CTNNA3: variants seen among roughly 807,000 people sequenced by gnomAD.
The protein encoded by CTNNA3 is catenin alpha-3.
Under a neutral mutation model 95.7 loss-of-function variants are expected in CTNNA3, and 76 were observed. The observed-to-expected ratio is 0.79, with a 90% CI of 0.66 to 0.96. The LOEUF is 0.96. Ranked by LOEUF, CTNNA3 falls within the 40% of genes least tolerant of loss-of-function variation. The probability of loss-of-function intolerance (pLI) is 0.00; values close to 1 mark genes in which losing one functional copy is unlikely to be tolerated. For synonymous variants in CTNNA3, 431 were observed against 374.4 expected (o/e 1.15, Z -1.74); for missense variants, 1,191 against 1,089.8 (o/e 1.09, Z -1.31).
At chr10:66,310,112 C>A (rs1404788388) in intron 12 of CTNNA3, among the ~76,000 whole-genome samples, 1 of 149,594 alleles carries the variant, frequency 6.7e-6, no homozygotes, top group African/African-American at 2.5e-5. Context: ...GGTGAGACTC[C>A]ATCTCAAAAA....
intron 1 of CTNNA3, among the ~76,000 whole-genome samples, chr10:67,692,467 T>A (rs1174522328): frequency 7.5e-6 from 1 of 133,874 alleles, no homozygotes; most frequent in South Asian, 2.8e-4. Flanking sequence ...CTGAAACATG[T>A]GCTGTATCCA....
At chr10:66,582,748 C>T (rs1843231422) in intron 10 of CTNNA3, among the ~76,000 whole-genome samples, 1 of 151,796 alleles carries the variant, frequency 6.6e-6, no homozygotes, top group Non-Finnish European at 1.5e-5. Context: ...AACTTTTTCT[C>T]ATTCAGTATG....
chr10:67,729,702 T>A (rs1841263946), intron 1 of CTNNA3, among the ~76,000 whole-genome samples: 1 of 152,120 alleles, frequency 6.6e-6, no homozygotes, highest in African/African-American at 2.4e-5. Flanking sequence ...GATAAAAGTT[T>A]ATGTTCTATG....
chr10:67,528,752 G>C (rs1008661312), intron 4 of CTNNA3, among the ~76,000 whole-genome samples: 1 of 152,142 alleles, frequency 6.6e-6, no homozygotes, highest in Non-Finnish European at 1.5e-5. Flanking sequence ...GCACATACTA[G>C]AGTGATGGTG....
At chr10:66,685,341 ATATATATATATTTTTTTTTTTTTTTTTT>A (rs1847245869) in intron 9 of CTNNA3, among the ~76,000 whole-genome samples, 7 of 71,162 alleles carry the variant, frequency 9.8e-5, no homozygotes, top group African/African-American at 2.8e-4. Context: ...ATATATATAT[ATATATATATATTTTTTTTTTTTTTTTTT>A]TTTTTTTTTT....
chr10:67,043,598 G>A (rs959357218), intron 7 of CTNNA3, among the ~76,000 whole-genome samples: 1 of 152,028 alleles, frequency 6.6e-6, no homozygotes, highest in Non-Finnish European at 1.5e-5. Context: ...TGTGCTGATC[G>A]TTCAGTCTGC....
chr10:67,255,641 A>C (rs576936052), intron 5 of CTNNA3, among the ~76,000 whole-genome samples: 1 of 152,328 alleles, frequency 6.6e-6, no homozygotes, highest in South Asian at 2.1e-4. Flanking sequence ...TAACTGTTCA[A>C]GTTAAAACAC....
chr10:66,945,279 C>A (rs563962423), intron 7 of CTNNA3, among the ~76,000 whole-genome samples: 105 of 152,318 alleles, frequency 6.9e-4, no homozygotes, highest in African/African-American at 2.4e-3. Context: ...TAACTTGTTG[C>A]AGCTTTTACA....
chr10:66,500,007 T>C (rs1309770665), intron 11 of CTNNA3, among the ~76,000 whole-genome samples: 3 of 152,054 alleles, frequency 2.0e-5, no homozygotes, highest in African/African-American at 7.2e-5. Context: ...TTCACCATGT[T>C]GGCCAGGCTT....
chr10:66,811,539 C>T (rs888240643), intron 7 of CTNNA3, among the ~76,000 whole-genome samples: 3 of 152,228 alleles, frequency 2.0e-5, no homozygotes, highest in Non-Finnish European at 4.4e-5. Context: ...GTAGTTTGAA[C>T]GGAAGAGTTC....
chr10:66,701,542 G>A (rs145330734), intron 9 of CTNNA3, among the ~76,000 whole-genome samples: 48 of 152,086 alleles, frequency 3.2e-4, no homozygotes, highest in African/African-American at 1.1e-3. Flanking sequence ...TCTTGGCACT[G>A]TTTTATACAT....
intron 10 of CTNNA3, among the ~76,000 whole-genome samples, chr10:66,615,438 C>T (rs779774249): frequency 5.9e-5 from 9 of 151,432 alleles, no homozygotes; most frequent in Non-Finnish European, 1.3e-4. Flanking sequence ...ACTTTTCAGG[C>T]CACAAATATT....
intron 14 of CTNNA3, chr10:66,098,060 T>A (rs1226281766): frequency 6.6e-6 from 1 of 151,866 alleles, no homozygotes; most frequent in Non-Finnish European, 1.5e-5. Flanking sequence ...CATTACCAGG[T>A]AGTTTCTAAA....
At chr10:65,997,712 T>A (rs2078692467) in intron 15 of CTNNA3, among the ~76,000 whole-genome samples, 1 of 152,272 alleles carries the variant, frequency 6.6e-6, no homozygotes, top group Middle Eastern at 3.4e-3. Flanking sequence ...ATCTGTTTAC[T>A]TGCTGTTAAG....
At chr10:67,222,506 G>A (rs1279279171) in intron 5 of CTNNA3, among the ~76,000 whole-genome samples, 3 of 152,208 alleles carry the variant, frequency 2.0e-5, no homozygotes, top group Admixed American at 6.5e-5. Flanking sequence ...GAGAAAAGGT[G>A]TAGAAAGAAT....
intron 7 of CTNNA3, among the ~76,000 whole-genome samples, chr10:66,835,723 T>A (rs183973253): frequency 2.6e-5 from 4 of 152,262 alleles, no homozygotes; most frequent in African/African-American, 9.6e-5. Context: ...AATCATTCAA[T>A]TATGGTCATG....
At chr10:67,205,304 A>C (rs890949834) in intron 6 of CTNNA3, among the ~76,000 whole-genome samples, 2 of 152,146 alleles carry the variant, frequency 1.3e-5, no homozygotes, top group Non-Finnish European at 2.9e-5. Context: ...AGTCCCAAGT[A>C]AGACCAACTT....
chr10:66,978,606 C>T (rs1287766199), intron 7 of CTNNA3, among the ~76,000 whole-genome samples: 6 of 127,484 alleles, frequency 4.7e-5, no homozygotes, highest in Non-Finnish European at 9.6e-5. Flanking sequence ...GGGAGTAGAT[C>T]TTATGTTAAG....
At chr10:67,643,454 G>A (rs1839605699) in intron 2 of CTNNA3, among the ~76,000 whole-genome samples, 1 of 151,990 alleles carries the variant, frequency 6.6e-6, no homozygotes, top group Non-Finnish European at 1.5e-5. Context: ...TCCTGCACAT[G>A]TACTCCTGAA....
Sources: gnomAD v4.1 joint callset for allele counts (sites outside exome capture counted in the v4.1 genomes callset) on GRCh38, gnomAD v4.1.1 for gene constraint, MANE v1.5 for transcripts, NCBI Gene and HGNC (gene_info 2026-07-23, HGNC 2026-07-21) for gene names.